TMCO4: variants seen among roughly 807,000 people sequenced by gnomAD.
TMCO4 encodes transmembrane and coiled-coil domains 4, also known as transmembrane and coiled-coil domain-containing protein 4.
TMCO4 carries 58 observed loss-of-function variants against 64.7 expected under a neutral mutation model. The ratio of observed to expected loss-of-function variants is 0.90; its 90% confidence interval spans 0.73 to 1.12. The LOEUF (loss-of-function observed/expected upper bound fraction) is 1.12. Ranked by LOEUF, TMCO4 falls within the 50% of genes most tolerant of loss-of-function variation. The pLI, the probability that TMCO4 is intolerant of heterozygous loss-of-function variation, is 0.00. For missense variants in TMCO4, 780 were observed against 825.9 expected (o/e 0.94, Z 0.68); for synonymous variants, 325 against 346.1 (o/e 0.94, Z 0.68).
chr1:19,708,024 C>T (rs1382394187), intron 13 of TMCO4, among the ~76,000 whole-genome samples: 2 of 152,144 alleles, frequency 1.3e-5, no homozygotes, highest in Non-Finnish European at 2.9e-5. Context: ...TCTCCTTCAA[C>T]ACAGCGGGAT....
rs151023694 is a variant in TMCO4 at position 19,771,548 on chromosome 1, A to G, written c.180-66T>C. 1.4e-3 allele frequency: 2,131 copies of G among 1,526,698 alleles called. 33 individuals are homozygous for G. The highest frequency in any genetic ancestry group is 0.014 in the South Asian group (1,121 of 80,592). The allele number at this position is 1,526,698 out of a possible 1,614,324, so 94.6% of individuals were successfully genotyped here. A position where few individuals can be genotyped will look rare whatever the true frequency, so the allele number is the denominator to read the frequency against. ...GCTCAGCCTCCACTGGGCAGTGTAG[A>G]TTAGTTGTGGTCACGGATGTGAACA... is the stretch of plus-strand genomic sequence containing the variant. On this transcript the variant is annotated intron_variant, in intron 4 of 15. Coordinates refer to ENST00000294543, the MANE Select transcript of TMCO4 (RefSeq NM_181719.7).
At chr1:19,760,930 G>C (rs1008699606) in intron 6 of TMCO4, among the ~76,000 whole-genome samples, 1 of 152,224 alleles carries the variant, frequency 6.6e-6, no homozygotes, top group Non-Finnish European at 1.5e-5. Flanking sequence ...AGTTCTGCTG[G>C]ATGAGATGTA....
intron 12 of TMCO4, chr1:19,738,091 A>G (rs2100831427): frequency 6.6e-6 from 1 of 152,382 alleles, no homozygotes; most frequent in South Asian, 2.1e-4. Context: ...GTGTTTGGGT[A>G]CAAGCTTACA....
At chr1:19,684,632 C>T (rs564181751) in intron 15 of TMCO4, among the ~76,000 whole-genome samples, 4 of 152,340 alleles carry the variant, frequency 2.6e-5, no homozygotes, top group East Asian at 3.9e-4. Flanking sequence ...ACAGCATAGA[C>T]TGCAAGGTGC....
chr1:19,690,864 C>T (rs2095187366), intron 15 of TMCO4, among the ~76,000 whole-genome samples: 1 of 99,084 alleles, frequency 1.0e-5, no homozygotes, highest in African/African-American at 3.7e-5. Flanking sequence ...TCTGTGAAGA[C>T]TCTTTTTTTT....
chr1:19,740,654 G>T, intron 11 of TMCO4, 123 bp downstream of exon 11: 2 of 1,133,390 alleles, frequency 1.8e-6, no homozygotes, highest in Non-Finnish European at 2.5e-6. Flanking sequence ...TAACCTCTCT[G>T]TGTTCCTAGG....
At chr1:19,739,992 G>A (rs6426824) in intron 11 of TMCO4, 32 bp from the exon 12 acceptor site, 229,829 of 1,598,952 alleles carry the variant, frequency 0.14, 18,397 homozygotes, top group African/African-American at 0.3. Context: ...GAAGGGAATG[G>A]CCCCTGTCCT....
intron 6 of TMCO4, among the ~76,000 whole-genome samples, chr1:19,757,353 T>C (rs1248986211): frequency 6.6e-6 from 1 of 152,166 alleles, no homozygotes; most frequent in African/African-American, 2.4e-5. Flanking sequence ...CTCCCTCCAG[T>C]CACTCCAGCC....
At chr1:19,713,879 CT>C (rs2095343381) in intron 13 of TMCO4, among the ~76,000 whole-genome samples, 1 of 152,072 alleles carries the variant, frequency 6.6e-6, no homozygotes, top group African/African-American at 2.4e-5. Context: ...TTTTCCATCT[CT>C]TTATCTCTCC....
intron 6 of TMCO4, among the ~76,000 whole-genome samples, chr1:19,758,494 G>A (rs1298200009): frequency 6.6e-6 from 1 of 152,212 alleles, no homozygotes; most frequent in South Asian, 2.1e-4. Context: ...TCACCTTCCA[G>A]CATGCAGGCT....
At chr1:19,702,483 T>C (rs1257196840) in intron 13 of TMCO4, among the ~76,000 whole-genome samples, 1 of 151,938 alleles carries the variant, frequency 6.6e-6, no homozygotes, top group Non-Finnish European at 1.5e-5. Flanking sequence ...TAATCCCAGC[T>C]ATTTGGGAGG....
At position 19,694,491 on chromosome 1, in the gene TMCO4, G is replaced by T. The variant is rs1345332570; in HGVS notation, c.1443C>A (p.Gly481=). Reference sequence around the variant, plus strand: ...TGTCCTGCAGCAGCACGGGCTGTAGGCCGGCGACACGGAGCTGCACCGAGG... The same window carrying T: ...TGTCCTGCAGCAGCACGGGCTGTAGTCCGGCGACACGGAGCTGCACCGAGG... ...RTSSVQLRVA[G]LQPVLLQDRR... The change falls in exon 15 of 16, where the codon GGC becomes GGA. Residue 481 remains glycine, a synonymous_variant. Transcript: ENST00000294543. 1.9e-6 allele frequency: 3 copies of T among 1,614,126 alleles called. No individual in the cohort carries two copies. The highest frequency in any genetic ancestry group is 2.5e-6 in the Non-Finnish European group (3 of 1,179,968).
intron 13 of TMCO4, among the ~76,000 whole-genome samples, chr1:19,712,860 T>C (rs1312275864): frequency 1.3e-5 from 2 of 152,198 alleles, no homozygotes; most frequent in African/African-American, 4.8e-5. Flanking sequence ...CCCATGAGCC[T>C]ACAAATTGGC....
intron 6 of TMCO4, among the ~76,000 whole-genome samples, chr1:19,765,101 C>T (rs1049578752): frequency 3.3e-5 from 5 of 152,140 alleles, no homozygotes; most frequent in African/African-American, 1.2e-4. Flanking sequence ...ATTCAGAGAT[C>T]AGAGGGCAAA....
At chr1:19,725,329 A>G (rs1240614149) in intron 13 of TMCO4, among the ~76,000 whole-genome samples, 1 of 152,192 alleles carries the variant, frequency 6.6e-6, no homozygotes, top group Non-Finnish European at 1.5e-5. Flanking sequence ...AATTCCCTTC[A>G]AAGCCTTTTG....
intron 2 of TMCO4, among the ~76,000 whole-genome samples, chr1:19,791,255 G>T (rs2044019035): frequency 6.6e-6 from 1 of 151,828 alleles, no homozygotes; most frequent in African/African-American, 2.4e-5. Flanking sequence ...AACCATCATG[G>T]CACATGTTTA....
chr1:19,791,334 T>G (rs1404041334), intron 2 of TMCO4, among the ~76,000 whole-genome samples: 1 of 143,470 alleles, frequency 7.0e-6, no homozygotes, highest in Non-Finnish European at 1.5e-5. Flanking sequence ...AAATTAAAAT[T>G]AAAAAAAAAA....
chr1:19,733,102 C>T (rs1001073471), intron 13 of TMCO4, among the ~76,000 whole-genome samples: 11 of 151,856 alleles, frequency 7.2e-5, no homozygotes, highest in South Asian at 2.1e-4. Context: ...CCCGACTCTA[C>T]TAAAAATACA....
intron 13 of TMCO4, among the ~76,000 whole-genome samples, chr1:19,736,614 G>C (rs2100822952): frequency 6.6e-6 from 1 of 152,258 alleles, no homozygotes; most frequent in Non-Finnish European, 1.5e-5. Context: ...CCCCTCCACA[G>C]GCAGCCCCTG....
Sources: allele counts gnomAD v4.1 joint callset (sites outside exome capture counted in the v4.1 genomes callset), GRCh38; gene constraint gnomAD v4.1.1; transcripts MANE v1.5; gene names NCBI Gene and HGNC (gene_info 2026-07-23, HGNC 2026-07-21).